The following PCDHGA6 variants were observed in gnomAD, a reference collection of about 807,000 sequenced individuals.
PCDHGA6 encodes the protein protocadherin gamma subfamily A, 6, also known as protocadherin gamma-A6.
In PCDHGA6, 41 loss-of-function variants were observed where a neutral mutation model predicts 60.6. The observed-to-expected ratio is 0.68, with a 90% CI of 0.53 to 0.88. The LOEUF (loss-of-function observed/expected upper bound fraction) is 0.88. Ranked by LOEUF, PCDHGA6 falls within the 40% of genes least tolerant of loss-of-function variation. The pLI is 0.00. For missense variants in PCDHGA6, 1,312 were observed against 1,203.0 expected (o/e 1.09, Z -1.34); for synonymous variants, 594 against 524.4 (o/e 1.13, Z -1.81).
At chr5:141,475,600 T>A (rs1023916159) in intron 1 of PCDHGA6, among the ~76,000 whole-genome samples, 2 of 152,192 alleles carry the variant, frequency 1.3e-5, no homozygotes, top group Admixed American at 1.3e-4. Context: ...TTCCAGACAA[T>A]GTTGTGTAGT....
intron 1 of PCDHGA6, chr5:141,428,256 T>A: frequency 1.2e-6 from 1 of 863,822 alleles, no homozygotes; most frequent in Non-Finnish European, 1.9e-6. Flanking sequence ...CAGACTTCAG[T>A]GACAGTCCTG....
chr5:141,467,476 G>C (rs114088806), intron 1 of PCDHGA6, among the ~76,000 whole-genome samples: 1,866 of 152,156 alleles, frequency 0.012, 41 homozygotes, highest in African/African-American at 0.043. Flanking sequence ...CATGGTTTTT[G>C]GTTTCCACAT....
At position 141,485,133 on chromosome 5, in the gene PCDHGA6, C is replaced by A; in HGVS notation, c.2425-9674C>A. On this transcript the variant is annotated intron_variant, in intron 1 of 3. Transcript: ENST00000517434. The surrounding 1 kb of genome is among the most constrained non-coding windows in gnomAD (Gnocchi z 5.7). Reference sequence around the variant, plus strand: ...GCTGTTTGGGGCGGGTCGGCTTCATCCGCGTCTCAGGAGCAAGTAGAGAAT... The same window carrying A: ...GCTGTTTGGGGCGGGTCGGCTTCATACGCGTCTCAGGAGCAAGTAGAGAAT... The A allele has an allele frequency of 2.7e-6, 4 of 1,492,492 alleles. No homozygotes were observed. The highest frequency in any genetic ancestry group is 1.7e-5 in the Admixed American group (1 of 58,334). The allele number at this position is 1,492,492 out of a possible 1,614,324, so 92.5% of individuals were successfully genotyped here.
chr5:141,431,163 A>G lies in PCDHGA6; in HGVS notation c.2424+54656A>G. On this transcript the variant is annotated intron_variant, in intron 1 of 3. Transcript: ENST00000517434. This position sits in a 1 kb window ranked among gnomAD's most constrained non-coding sequence, Gnocchi z 4.8. ...AACGACAATGCGCCTTACTTTCGTG[A>G]AAGTGAATTAGAAATAAAAATTAGT... 1 of 1,614,246 alleles carries G rather than the reference A, an allele frequency of 6.2e-7. No individual in the cohort carries two copies. Among genetic ancestry groups the G allele is most frequent in the Non-Finnish European group, 8.5e-7 (1 of 1,180,036 alleles).
intron 1 of PCDHGA6, among the ~76,000 whole-genome samples, chr5:141,429,720 A>G (rs571388976): frequency 6.6e-6 from 1 of 152,340 alleles, no homozygotes; most frequent in South Asian, 2.1e-4. Context: ...TACGCTCATG[A>G]AAGTACGTAG....
intron 1 of PCDHGA6, chr5:141,383,563 C>T: frequency 6.2e-7 from 1 of 1,613,152 alleles, no homozygotes; most frequent in South Asian, 1.1e-5. Context: ...CGACCCGCCC[C>T]GATCCAGCAC....
rs2099427641 is a variant in PCDHGA6, at chr5:141,477,974, G to T, written c.2425-16833G>T. The T allele has an allele frequency of 1.2e-6, 2 of 1,614,034 alleles. No homozygotes were observed. The highest frequency in any genetic ancestry group is 1.6e-4 in the Middle Eastern group (1 of 6,062). On this transcript the variant is annotated intron_variant, in intron 1 of 3. Transcript: ENST00000517434. This position sits in a 1 kb window ranked among gnomAD's most constrained non-coding sequence, Gnocchi z 4.9. ...GGGATCCCCTAACCAGAGCCTTTTT[G>T]CCATAGGGCTGCACACTGGTCAAAT...
At chr5:141,426,726 G>A (rs916323483) in intron 1 of PCDHGA6, 2 of 448,052 alleles carry the variant, frequency 4.5e-6, no homozygotes, top group South Asian at 1.6e-5. Flanking sequence ...AGCAATTCCA[G>A]GCATTCGGTT....
chr5:141,383,234 A>G, intron 1 of PCDHGA6: 2 of 1,613,960 alleles, frequency 1.2e-6, no homozygotes, highest in Non-Finnish European at 1.7e-6. Flanking sequence ...CTGATGGAAG[A>G]TAAAATGAAT....
Position 141,431,954 on chromosome 5 carries a change from G to T in PCDHGA6, c.2424+55447G>T. On this transcript the variant is annotated intron_variant, in intron 1 of 3. Coordinates refer to ENST00000517434, the MANE Select transcript of PCDHGA6 (RefSeq NM_018919.3). The surrounding 1 kb of genome is among the most constrained non-coding windows in gnomAD (Gnocchi z 4.8). Reference sequence around the variant, plus strand: ...GCCCTTTAAATTAGAAAAATCTTACGGAAATTACTATAGTTTAGTCACAGA... The same window carrying T: ...GCCCTTTAAATTAGAAAAATCTTACTGAAATTACTATAGTTTAGTCACAGA... The T allele has an allele frequency of 6.2e-7, 1 of 1,614,110 alleles. No homozygotes were observed. Among genetic ancestry groups the T allele is most frequent in the Non-Finnish European group, 8.5e-7 (1 of 1,180,010 alleles).
At chr5:141,421,578 T>C in intron 1 of PCDHGA6, 4 of 1,613,886 alleles carry the variant, frequency 2.5e-6, no homozygotes, top group Non-Finnish European at 3.4e-6. Flanking sequence ...CCTTGAAGAT[T>C]TACGGAGTGG....
intron 1 of PCDHGA6, chr5:141,393,474 C>T (rs773609499): frequency 6.2e-7 from 1 of 1,613,926 alleles, no homozygotes; most frequent in African/African-American, 1.3e-5. Context: ...CGGCAAGCCG[C>T]CTCGCTCTAG....
chr5:141,422,874 G>C (rs763219526), intron 1 of PCDHGA6: 56 of 1,614,134 alleles, frequency 3.5e-5, no homozygotes, highest in Non-Finnish European at 1.0e-5. Flanking sequence ...ACGTGTCGCT[G>C]AGCCTGTTCG....
rs751318430 is a variant in PCDHGA6 at position 141,485,603 on chromosome 5, G to A, written c.2425-9204G>A. 1 of 1,612,482 alleles carries A rather than the reference G, an allele frequency of 6.2e-7. No homozygotes were observed. The stretch of plus-strand genomic sequence containing the variant: ...GCAGCAGCTGGACTTGGAAATTGGG[G>A]AGGCAGCTCCTCCAGGACAGCGTTT... On this transcript the variant is annotated intron_variant, in intron 1 of 3. Coordinates refer to ENST00000517434, the MANE Select transcript of PCDHGA6 (RefSeq NM_018919.3). This position sits in a 1 kb window ranked among gnomAD's most constrained non-coding sequence, Gnocchi z 5.7.
chr5:141,419,264 G>T (rs2096351955), intron 1 of PCDHGA6: 1 of 1,614,036 alleles, frequency 6.2e-7, no homozygotes, highest in Non-Finnish European at 8.5e-7. Context: ...CCAGCCGGGT[G>T]CCTCCATAGC....
rs373286702 is a variant in PCDHGA6, at chr5:141,421,190, A to T, written c.2424+44683A>T. ...TACATAAGCCGATTCACAACCAACC[A>T]GCTCGAGAAACCGCGGAATATCGGC... On this transcript the variant is annotated intron_variant, in intron 1 of 3. Transcript: ENST00000517434. The T allele has an allele frequency of 4.7e-6, 7 of 1,480,168 alleles. No homozygotes were observed. The South Asian group carries it at 9.4e-5, about 20-fold the overall frequency. 91.7% of individuals were successfully genotyped at this position (1,480,168 alleles called of 1,614,324 possible).
At position 141,408,970 on chromosome 5, in the gene PCDHGA6, C is replaced by T. The variant is rs755949698; in HGVS notation, c.2424+32463C>T. The stretch of plus-strand genomic sequence containing the variant: ...GAATTAGTCTTAGTGAAAATCTGCC[C>T]CCTGGGTCCCCTGTGTTGCAAGTGA... On this transcript the variant is annotated intron_variant, in intron 1 of 3. Coordinates refer to ENST00000517434, the MANE Select transcript of PCDHGA6 (RefSeq NM_018919.3). 10 of 1,613,770 alleles carry T rather than the reference C, an allele frequency of 6.2e-6. No homozygotes were observed. The South Asian group carries it at 1.1e-4, about 18-fold the overall frequency.
intron 1 of PCDHGA6, among the ~76,000 whole-genome samples, chr5:141,474,136 G>A (rs1383142266): frequency 1.3e-5 from 2 of 152,056 alleles, no homozygotes; most frequent in East Asian, 3.8e-4. Context: ...AAAACTACAG[G>A]CCTTATTATC....
chr5:141,481,724 C>T (rs1301509633), intron 1 of PCDHGA6, among the ~76,000 whole-genome samples: 2 of 151,882 alleles, frequency 1.3e-5, no homozygotes. Context: ...GAGGCGGAGG[C>T]GGGCGGATCA....
Sources: allele counts gnomAD v4.1 joint callset (sites outside exome capture counted in the v4.1 genomes callset), GRCh38; gene constraint gnomAD v4.1.1; non-coding constraint Gnocchi (gnomAD v3.1); transcripts MANE v1.5; gene names NCBI Gene and HGNC (gene_info 2026-07-23, HGNC 2026-07-21).